Variants in PEX5L observed in about 807,000 individuals in gnomAD.
The protein encoded by PEX5L is PEX5-related protein.
Under a neutral mutation model 84.0 loss-of-function variants are expected in PEX5L, and 30 were observed. The ratio of observed to expected loss-of-function variants is 0.36; its 90% CI spans 0.27 to 0.48. PEX5L has a LOEUF of 0.48. PEX5L is among the 20% of genes least tolerant of loss of function. PEX5L has a pLI of 0.99. For missense variants in PEX5L, 533 were observed against 754.6 expected, an observed-to-expected ratio of 0.71 and a Z score of 3.44; for synonymous variants, 270 against 283.1, an observed-to-expected ratio of 0.95 and a Z score of 0.46.
In PEX5L at chr3:179,976,486, G is replaced by T. The variant is rs546473035; in HGVS notation, c.22-4821C>A. Among the ~76,000 whole-genome samples the T allele has an allele frequency of 3.0e-3, 457 of 152,230 alleles. 2 individuals carry two copies. Among genetic ancestry groups the T allele is most frequent in the African/African-American group, 0.01 (436 of 41,532 alleles). On this transcript the variant is annotated intron_variant, in intron 1 of 14. Transcript: ENST00000467460. ...GGAGTCTCGCTCTGTCGCCCAGGCTGGAGTTCCGTGATGTGATTTCGGCTC... is the reference window on the plus strand; with the variant it reads ...GGAGTCTCGCTCTGTCGCCCAGGCTTGAGTTCCGTGATGTGATTTCGGCTC...
At chr3:180,009,981 T>C (rs559606314) in intron 1 of PEX5L, among the ~76,000 whole-genome samples, 2 of 152,248 alleles carry the variant, frequency 1.3e-5, no homozygotes, top group East Asian at 3.9e-4. Flanking sequence ...TCTCACTCTG[T>C]TGCACAGGTT....
At chr3:179,817,855 G>A (rs935669509) in intron 9 of PEX5L, among the ~76,000 whole-genome samples, 4 of 152,186 alleles carry the variant, frequency 2.6e-5, no homozygotes, top group African/African-American at 9.7e-5. Flanking sequence ...GGTTCTGGGA[G>A]TAAGGGGCTA....
At chr3:179,814,936 G>T (rs1382520592) in intron 10 of PEX5L, among the ~76,000 whole-genome samples, 1 of 151,912 alleles carries the variant, frequency 6.6e-6, no homozygotes, top group Non-Finnish European at 1.5e-5. Flanking sequence ...GCGCTCTCTT[G>T]TAACAAAAAC....
At chr3:179,832,532 C>T (rs1733483371) in intron 8 of PEX5L, among the ~76,000 whole-genome samples, 1 of 150,986 alleles carries the variant, frequency 6.6e-6, no homozygotes, top group African/African-American at 2.4e-5. Context: ...ACCCACCAAC[C>T]TTCCTATTTA....
At chr3:179,847,010 T>C (rs905663116) in intron 8 of PEX5L, among the ~76,000 whole-genome samples, 9 of 151,208 alleles carry the variant, frequency 6.0e-5, no homozygotes, top group African/African-American at 2.2e-4. Context: ...GAGATCTACA[T>C]ATGAAGATCT....
At chr3:179,990,502 G>A (rs1301135879) in intron 1 of PEX5L, among the ~76,000 whole-genome samples, 2 of 151,970 alleles carry the variant, frequency 1.3e-5, no homozygotes, top group African/African-American at 4.8e-5. Context: ...AGGTTCATGT[G>A]ATCCTTCTGC....
chr3:179,885,371 G>A lies in PEX5L; in HGVS notation c.310+2302C>T, dbSNP rs575581063. Among the ~76,000 whole-genome samples the A allele has an allele frequency of 8.1e-4, 123 of 152,300 alleles. 1 individual carries two copies. Among genetic ancestry groups the A allele is most frequent in the Non-Finnish European group, 1.6e-3 (112 of 68,014 alleles). The stretch of plus-strand genomic sequence containing the variant: ...TATAAAAAGGGGAAATTTGGGCCAG[G>A]CGCGGTGGTTCACGCCTGTAATTCC... On this transcript the variant is annotated intron_variant, in intron 4 of 14. Transcript: ENST00000467460.
intron 8 of PEX5L, among the ~76,000 whole-genome samples, chr3:179,824,633 C>T (rs1177761626): frequency 7.1e-6 from 1 of 141,680 alleles, no homozygotes; most frequent in Non-Finnish European, 1.5e-5. Context: ...TTGAACCCGG[C>T]AGGCGGAGGT....
intron 8 of PEX5L, among the ~76,000 whole-genome samples, chr3:179,833,421 A>T (rs777550362): frequency 6.6e-6 from 1 of 152,220 alleles, no homozygotes; most frequent in African/African-American, 2.4e-5. Flanking sequence ...CACACTTTTC[A>T]TTAATGCAAT....
intron 8 of PEX5L, among the ~76,000 whole-genome samples, chr3:179,843,608 T>G (rs1738128333): frequency 6.6e-6 from 1 of 152,228 alleles, no homozygotes; most frequent in Non-Finnish European, 1.5e-5. Flanking sequence ...ATAGGTAATT[T>G]TTTTAAAATA....
At chr3:179,912,593 T>C (rs1333768126) in intron 2 of PEX5L, among the ~76,000 whole-genome samples, 1 of 152,132 alleles carries the variant, frequency 6.6e-6, no homozygotes, top group Non-Finnish European at 1.5e-5. Context: ...ACTGAAGCTA[T>C]TCCTATAAAC....
intron 8 of PEX5L, among the ~76,000 whole-genome samples, chr3:179,832,522 A>T (rs181000277): frequency 2.2e-4 from 33 of 149,710 alleles, no homozygotes; most frequent in Admixed American, 1.1e-3. Context: ...CTACCCACCT[A>T]CCCACCAACC....
At chr3:179,972,021 A>G (rs577130840) in intron 1 of PEX5L, among the ~76,000 whole-genome samples, 1 of 152,236 alleles carries the variant, frequency 6.6e-6, no homozygotes, top group South Asian at 2.1e-4. Context: ...TAAAGATTGA[A>G]AGTTCATTTA....
intron 1 of PEX5L, among the ~76,000 whole-genome samples, chr3:180,003,975 CTATT>C (rs895174080): frequency 1.3e-5 from 2 of 152,186 alleles, no homozygotes; most frequent in African/African-American, 4.8e-5. Flanking sequence ...TCTTCATTGA[CTATT>C]TATACAGGAC....
intron 8 of PEX5L, among the ~76,000 whole-genome samples, chr3:179,851,904 C>T (rs1273769675): frequency 6.6e-6 from 1 of 152,128 alleles, no homozygotes; most frequent in Non-Finnish European, 1.5e-5. Flanking sequence ...AAATTCCCAT[C>T]CAGAATGAAT....
At chr3:179,850,358 C>T (rs1327035053) in intron 8 of PEX5L, among the ~76,000 whole-genome samples, 2 of 151,978 alleles carry the variant, frequency 1.3e-5, no homozygotes, top group Non-Finnish European at 2.9e-5. Flanking sequence ...AACCTCTGAC[C>T]TCAGGTAATC....
At position 179,917,745 on chromosome 3, in the gene PEX5L, C is replaced by T. The variant is rs541875594; in HGVS notation, c.94-19499G>A. On this transcript the variant is annotated intron_variant, in intron 2 of 14. Transcript: ENST00000467460. The stretch of plus-strand genomic sequence containing the variant: ...CATGATCTCGGCTCACCGCAACATC[C>T]GCCTCCTGGGTTCAAGCGATTCTCC... 5.9e-5 allele frequency among the ~76,000 whole-genome samples: 9 copies of T among 152,200 alleles called. No homozygotes were observed. The East Asian group carries it at 1.2e-3, about 20-fold the overall frequency.
chr3:179,895,003 T>C lies in PEX5L; in HGVS notation c.198+3139A>G, dbSNP rs535233457. 2.5e-4 allele frequency among the ~76,000 whole-genome samples: 38 copies of C among 152,262 alleles called. No homozygotes were observed. The South Asian group carries it at 7.3e-3, about 29-fold the overall frequency. ...TAATCAATCTTCTGGCAAACGGCTT[T>C]CCCTTCTATTCTCAAATTGAATTTG... On this transcript the variant is annotated intron_variant, in intron 3 of 14. Transcript: ENST00000467460.
chr3:179,992,253 T>C (rs1368600725), intron 1 of PEX5L, among the ~76,000 whole-genome samples: 1 of 152,230 alleles, frequency 6.6e-6, no homozygotes, highest in Non-Finnish European at 1.5e-5. Flanking sequence ...GTATATTATT[T>C]AATTTTGAAA....
Sources: allele counts gnomAD v4.1 joint callset (sites outside exome capture counted in the v4.1 genomes callset), GRCh38; gene constraint gnomAD v4.1.1; transcripts MANE v1.5; gene names NCBI Gene and HGNC (gene_info 2026-07-23, HGNC 2026-07-21).